The following SEC14L3 variants were observed in gnomAD, a reference collection of about 807,000 sequenced individuals.
The protein encoded by SEC14L3 is SEC14 like lipid binding 3.
In SEC14L3, 56 loss-of-function variants were observed where a neutral mutation model predicts 57.4. That is an observed-to-expected ratio of 0.97 (90% CI 0.79 to 1.22). The LOEUF (loss-of-function observed/expected upper bound fraction) is 1.22, where lower values mean the gene tolerates loss of function less well. SEC14L3 is among the 50% of genes most tolerant of loss of function. SEC14L3 has a pLI of 0.00. For missense variants in SEC14L3, 485 were observed against 511.7 expected (o/e 0.95, Z 0.50); for synonymous variants, 173 against 194.4 (o/e 0.89, Z 0.92).
At chr22:30,470,679 T>C (rs910558972) in intron 1 of SEC14L3, 97 bp from the exon 2 acceptor site, 1 of 1,571,212 alleles carries the variant, frequency 6.4e-7, no homozygotes, top group Non-Finnish European at 8.6e-7. Flanking sequence ...TCCTCCCACA[T>C]GCAAAATGGC....
At chr22:30,448,275 T>C in exon 13 of SEC14L3, 1 of 152,420 alleles carries the variant, frequency 6.6e-6, no homozygotes, top group Non-Finnish European at 1.5e-5. Context: ...CTCTGACCCC[T>C]GGGGTCCCTT....
In SEC14L3 at chr22:30,466,962, G is replaced by A; in HGVS notation, c.519+20C>T. 6.2e-7 allele frequency: 1 copy of A among 1,605,124 alleles called. No individual in the cohort carries two copies. Among genetic ancestry groups the A allele is most frequent in the Non-Finnish European group, 8.5e-7 (1 of 1,175,110 alleles). On this transcript the variant is annotated intron_variant, in intron 6 of 11. Transcript: ENST00000215812. ...TGGTCATCAAAGCAAGCGGGGGGTG[G>A]CCCTAGGACTTCTCCTTACCTCCTG...
intron 1 of SEC14L3, 128 bp from the exon 2 acceptor site, chr22:30,470,710 G>T (rs1454033931): frequency 1.3e-6 from 2 of 1,510,786 alleles, no homozygotes; most frequent in Non-Finnish European, 1.8e-6. Context: ...GAAAGGATGG[G>T]TTAATGGTTG....
At chr22:30,463,482 G>A (rs1378389764) in intron 8 of SEC14L3, among the ~76,000 whole-genome samples, 3 of 152,222 alleles carry the variant, frequency 2.0e-5, no homozygotes, top group African/African-American at 7.2e-5. Context: ...GGCCTGGACT[G>A]TGCTGGTAAC....
intron 12 of SEC14L3, among the ~76,000 whole-genome samples, chr22:30,450,834 C>G (rs897953690): frequency 6.6e-6 from 1 of 152,210 alleles, no homozygotes; most frequent in Admixed American, 6.5e-5. Context: ...GGAATCCTTA[C>G]CCTGAAACTG....
chr22:30,466,948 G>A, intron 6 of SEC14L3, 34 bp downstream of exon 6: 2 of 1,587,898 alleles, frequency 1.3e-6, no homozygotes, highest in East Asian at 2.3e-5. Flanking sequence ...GGTCATCAAA[G>A]CAAGCGGGGG....
downstream of SEC14L3, among the ~76,000 whole-genome samples, chr22:30,455,044 T>C (rs1935083626): frequency 1.3e-5 from 1 of 75,922 alleles, no homozygotes; most frequent in Non-Finnish European, 2.2e-5. Context: ...TATTATATAA[T>C]AGATATACAA....
At chr22:30,458,115 T>C (rs1935151097), downstream of SEC14L3, among the ~76,000 whole-genome samples, 1 of 152,238 alleles carries the variant, frequency 6.6e-6, no homozygotes, top group Admixed American at 6.5e-5. Context: ...CACCAGCCTT[T>C]GGTTCCCATT....
At chr22:30,467,528 C>G (rs964505748) in intron 5 of SEC14L3, among the ~76,000 whole-genome samples, 9 of 152,142 alleles carry the variant, frequency 5.9e-5, no homozygotes, top group African/African-American at 2.2e-4. Flanking sequence ...CACTGTCTGG[C>G]TGGGGAGATG....
At chr22:30,451,462 C>T (rs749978018) in intron 12 of SEC14L3, among the ~76,000 whole-genome samples, 21 of 152,120 alleles carry the variant, frequency 1.4e-4, no homozygotes, top group Non-Finnish European at 2.8e-4. Flanking sequence ...AGCAAATAGA[C>T]AACTGTCCTG....
chr22:30,448,372 C>T (rs1934917906), exon 13 of SEC14L3: 1 of 152,064 alleles, frequency 6.6e-6, no homozygotes, highest in African/African-American at 2.4e-5. Flanking sequence ...TCTGGGGAGC[C>T]TTTCAGTCTT....
chr22:30,471,271 A>G, intron 1 of SEC14L3: 1 of 455,372 alleles, frequency 2.2e-6, no homozygotes, highest in South Asian at 1.6e-5. Context: ...GATGACAGAG[A>G]CTCCATCTCA....
chr22:30,459,523 C>T lies in SEC14L3; in HGVS notation c.*498G>A. On this transcript the variant is annotated 3_prime_UTR_variant, in exon 12 of 12. Transcript: ENST00000215812. Reference sequence around the variant, plus strand: ...CCTGTCCAAGGTGCTGAAATCCACCCCACATAGGCTCCTCCTAATCATGTA... The same window carrying T: ...CCTGTCCAAGGTGCTGAAATCCACCTCACATAGGCTCCTCCTAATCATGTA... 1.0e-6 allele frequency: 1 copy of T among 986,042 alleles called. No homozygotes were observed. Among genetic ancestry groups the T allele is most frequent in the Non-Finnish European group, 1.2e-6 (1 of 830,298 alleles). 61.1% of individuals were successfully genotyped at this position (986,042 alleles called of 1,614,324 possible). A position where few individuals can be genotyped will look rare whatever the true frequency, so the allele number is the denominator to read the frequency against.
downstream of SEC14L3, among the ~76,000 whole-genome samples, chr22:30,454,255 G>A (rs760243894): frequency 6.6e-6 from 1 of 151,942 alleles, no homozygotes; most frequent in Non-Finnish European, 1.5e-5. Flanking sequence ...GAAGGCACTC[G>A]AGGTCTTCCA....
At chr22:30,450,808 T>G (rs1412093721) in intron 12 of SEC14L3, among the ~76,000 whole-genome samples, 1 of 152,180 alleles carries the variant, frequency 6.6e-6, no homozygotes, top group Non-Finnish European at 1.5e-5. Flanking sequence ...GCCAGGATAC[T>G]TCATCCACAC....
chr22:30,452,124 G>A (rs967688226), intron 12 of SEC14L3, among the ~76,000 whole-genome samples: 17 of 151,732 alleles, frequency 1.1e-4, no homozygotes, highest in African/African-American at 2.9e-4. Context: ...ACTTGGTGAC[G>A]TTGTAGCCTG....
At position 30,468,634 on chromosome 22, in the gene SEC14L3, C is replaced by T. The variant is rs146058294; in HGVS notation, c.297G>A (p.Trp99Ter). The stretch of plus-strand genomic sequence containing the variant: ...GATCAAGTGGCCCAATGATGTCATA[C>T]CACACGGGGCAGCCATCACGGTCAT... Reference protein sequence around the residue: ...CGYDRDGCPVWYDIIGPLDPK... With the variant: ...CGYDRDGCPV The change falls in exon 5 of 12, where the codon TGG becomes TGA. Residue 99 changes from tryptophan (W) to a stop codon, truncating the protein, a stop_gained. Transcript: ENST00000215812. LOFTEE classifies it high-confidence loss of function. The T allele has an allele frequency of 7.3e-5, 118 of 1,613,906 alleles. No individual in the cohort carries two copies. The African/African-American group carries it at 1.4e-3, about 19-fold the overall frequency.
Position 30,461,450 on chromosome 22 carries a change from A to G in SEC14L3, c.941T>C (p.Ile314Thr). 1 of 1,613,904 alleles carries G rather than the reference A, an allele frequency of 6.2e-7. No homozygotes were observed. Among genetic ancestry groups the G allele is most frequent in the Non-Finnish European group, 8.5e-7 (1 of 1,179,888 alleles). Residue 314 changes from isoleucine (I) to threonine (T), a missense_variant, in exon 11 of 12, where the codon ATC (isoleucine) becomes ACC (threonine). Physicochemically the swap from Ile to Thr is moderately conservative, Grantham distance 89. Transcript: ENST00000215812. ...RWQFSSDGADIGFGVFLKTKM... is the reference protein window; with the variant it reads ...RWQFSSDGADTGFGVFLKTKM... ...GGTCTTCAGGAAAACTCCGAAGCCG[A>G]TGTCCGCACCATCAGATGAGAACTG...
intron 1 of SEC14L3, 36 bp from the exon 2 acceptor site, chr22:30,470,618 A>G (rs1303836453): frequency 1.8e-5 from 29 of 1,613,952 alleles, no homozygotes; most frequent in Non-Finnish European, 2.3e-5. Context: ...TGGCTCTCTC[A>G]CATTGAGCCT....
Sources: gnomAD v4.1 joint callset for allele counts (sites outside exome capture counted in the v4.1 genomes callset) on GRCh38, gnomAD v4.1.1 for gene constraint, MANE v1.5 for transcripts, NCBI Gene and HGNC (gene_info 2026-07-23, HGNC 2026-07-21) for gene names.